ATMIN: variants seen among roughly 807,000 people sequenced by gnomAD.
ATMIN encodes ATM interactor.
Under a neutral mutation model 49.2 loss-of-function variants are expected in ATMIN, and 24 were observed. That is an observed-to-expected ratio of 0.49 (90% CI 0.35 to 0.69). The LOEUF (loss-of-function observed/expected upper bound fraction) is 0.69, where lower values mean the gene tolerates loss of function less well. Ranked by LOEUF, ATMIN falls within the 30% of genes least tolerant of loss-of-function variation. The probability of loss-of-function intolerance (pLI) is 0.00; values close to 1 mark genes in which losing one functional copy is unlikely to be tolerated. For missense variants in ATMIN, 1,037 were observed against 1,005.5 expected (o/e 1.03, Z -0.42); for synonymous variants, 450 against 392.5 (o/e 1.15, Z -1.73).
chr16:81,042,927 C>T (rs1282612309), intron 3 of ATMIN, among the ~76,000 whole-genome samples: 1 of 152,138 alleles, frequency 6.6e-6, no homozygotes, highest in African/African-American at 2.4e-5. Flanking sequence ...AGTTCTAGTA[C>T]TTAGAGCTTA....
Position 81,036,147 on chromosome 16 carries a change from A to C in ATMIN, c.277A>C (p.Lys93Gln), listed in dbSNP as rs1379227015. 1.7e-5 allele frequency: 25 copies of C among 1,470,802 alleles called. No homozygotes were observed. The highest frequency in any genetic ancestry group is 2.3e-5 in the Non-Finnish European group (25 of 1,104,448). The allele number at this position is 1,470,802 out of a possible 1,614,324, so 91.1% of individuals were successfully genotyped here. A position where few individuals can be genotyped will look rare whatever the true frequency, so the allele number is the denominator to read the frequency against. Residue 93 changes from lysine (K) to glutamine (Q), a missense_variant, in exon 1 of 4, where the codon AAG becomes CAG. Transcript: ENST00000299575. ...CCTGTGCACCGTGCGCGGCTGCGGCAAGATCCTGCCCAACAGCCCCGCGCT... is the reference window on the plus strand; with the variant it reads ...CCTGTGCACCGTGCGCGGCTGCGGCCAGATCCTGCCCAACAGCCCCGCGCT... ...NILCTVRGCGKILPNSPALNM... is the reference protein window; with the variant it reads ...NILCTVRGCGQILPNSPALNM...
intron 1 of ATMIN, among the ~76,000 whole-genome samples, chr16:81,038,217 G>C (rs1316163567): frequency 1.3e-5 from 2 of 151,906 alleles, no homozygotes; most frequent in Non-Finnish European, 2.9e-5. Flanking sequence ...TGCAACCTCT[G>C]CCTCCCAGGT....
At chr16:81,041,718 T>C in intron 2 of ATMIN, 1 of 392,336 alleles carries the variant, frequency 2.5e-6, no homozygotes, top group Non-Finnish European at 4.5e-6. Flanking sequence ...AGTAAACCAG[T>C]TCAGCAAAGA....
At chr16:81,038,038 T>A (rs1387988027) in intron 1 of ATMIN, among the ~76,000 whole-genome samples, 1 of 152,204 alleles carries the variant, frequency 6.6e-6, no homozygotes, top group Non-Finnish European at 1.5e-5. Flanking sequence ...TCTAGCTCTT[T>A]AAAGACCCTG....
At chr16:81,040,173 C>T (rs1971014962) in intron 1 of ATMIN, among the ~76,000 whole-genome samples, 1 of 152,156 alleles carries the variant, frequency 6.6e-6, no homozygotes, top group African/African-American at 2.4e-5. Context: ...GCATTTTATT[C>T]TTGAAAGTAT....
chr16:81,043,419 C>G lies in ATMIN; in HGVS notation c.921C>G (p.Pro307=). 6.2e-7 allele frequency: 1 copy of G among 1,613,752 alleles called. No individual in the cohort carries two copies. Among genetic ancestry groups the G allele is most frequent in the Non-Finnish European group, 8.5e-7 (1 of 1,179,994 alleles). ...CCAAAGTGGCTTTGGTTAAACTACC[C>G]GTGATGCAGTTTTCTGTCATGCCTG... ...PKPKVALVKL[P]VMQFSVMPVF... The change falls in exon 4 of 4, where the codon CCC becomes CCG. Residue 307 remains proline, a synonymous_variant. Coordinates refer to ENST00000299575, the MANE Select transcript of ATMIN (RefSeq NM_015251.3).
At chr16:81,039,380 T>A (rs1049709884) in intron 1 of ATMIN, among the ~76,000 whole-genome samples, 1 of 152,240 alleles carries the variant, frequency 6.6e-6, no homozygotes, top group African/African-American at 2.4e-5. Flanking sequence ...TTGGTTCTTA[T>A]TTTATTCTAA....
chr16:81,036,050 C>A lies in ATMIN; in HGVS notation c.180C>A (p.Val60=), dbSNP rs1215354140. ...CGGGGGCGACGCAGCAGCCCGCTGT[C>A]CCCGCGCCGCCGGCGGGGGAGCTGA... ...RPAGATQQPA[V]PAPPAGELIQ... is the part of the protein sequence containing the mutation. The change falls in exon 1 of 4, where the codon GTC becomes GTA. Residue 60 remains valine (V), a synonymous_variant. Coordinates refer to ENST00000299575, the MANE Select transcript of ATMIN (RefSeq NM_015251.3). 5.6e-6 allele frequency: 7 copies of A among 1,251,662 alleles called. No individual in the cohort carries two copies. Among genetic ancestry groups the A allele is most frequent in the African/African-American group, 3.1e-5 (2 of 64,530 alleles). 77.5% of individuals were successfully genotyped at this position (1,251,662 alleles called of 1,614,324 possible). A position where few individuals can be genotyped will look rare whatever the true frequency, so the allele number is the denominator to read the frequency against.
At chr16:81,039,534 G>A (rs1355223865) in intron 1 of ATMIN, among the ~76,000 whole-genome samples, 4 of 152,152 alleles carry the variant, frequency 2.6e-5, no homozygotes, top group African/African-American at 9.7e-5. Context: ...GGTGCCTAAG[G>A]TATATGGCCA....
chr16:81,040,235 G>A (rs1971015684), intron 1 of ATMIN, among the ~76,000 whole-genome samples: 1 of 151,850 alleles, frequency 6.6e-6, no homozygotes, highest in African/African-American at 2.4e-5. Context: ...CCATTTTATC[G>A]TGCCATTGCC....
chr16:81,036,295 A>C, intron 1 of ATMIN, 89 bp downstream of exon 1: 2 of 1,089,076 alleles, frequency 1.8e-6, no homozygotes, highest in Non-Finnish European at 2.2e-6. Context: ...CCTCGGGGGG[A>C]CGAGCGCCCT....
rs1971077501 is a variant in ATMIN, at chr16:81,043,914, A to G, written c.1416A>G (p.Ile472Met). Reference sequence around the variant, plus strand: ...CCAGCTCTAAGGTAACTTCATCTATAGCTGCTCAGACTGATGCATTTATGG... The same window carrying G: ...CCAGCTCTAAGGTAACTTCATCTATGGCTGCTCAGACTGATGCATTTATGG... The part of the protein sequence containing the change: ...FLPSSKVTSS[I>M]AAQTDAFMDT... The change falls in exon 4 of 4, where the codon ATA becomes ATG. Residue 472 changes from isoleucine to methionine, a missense_variant. By Grantham distance (10) the Ile-to-Met change is conservative (BLOSUM62 1). Coordinates refer to ENST00000299575, the MANE Select transcript of ATMIN (RefSeq NM_015251.3). The G allele has an allele frequency of 2.5e-6, 4 of 1,614,172 alleles. No individual in the cohort carries two copies. In the South Asian group the frequency reaches 3.3e-5, roughly 13 times the overall value.
At position 81,044,693 on chromosome 16, in the gene ATMIN, G is replaced by A. The variant is rs1235367947; in HGVS notation, c.2195G>A (p.Ser732Asn). 1.2e-6 allele frequency: 2 copies of A among 1,614,068 alleles called. No homozygotes were observed. Among genetic ancestry groups the A allele is most frequent in the Non-Finnish European group, 1.7e-6 (2 of 1,180,044 alleles). Reference sequence around the variant, plus strand: ...CTGAAACACTCCAGCTTTTCCGTGAGTACTGATTCATCTGACACAGAGACC... The same window carrying A: ...CTGAAACACTCCAGCTTTTCCGTGAATACTGATTCATCTGACACAGAGACC... ...SILKHSSFSV[S>N]TDSSDTETQT... The change falls in exon 4 of 4, where the codon AGT becomes AAT. Residue 732 changes from serine to asparagine, a missense_variant. Physicochemically the swap from Ser to Asn is conservative, Grantham distance 46 (BLOSUM62 1). Transcript: ENST00000299575.
chr16:81,040,781 C>T (rs1311445275), intron 1 of ATMIN: 1 of 154,508 alleles, frequency 6.5e-6, no homozygotes, highest in Non-Finnish European at 1.4e-5. Flanking sequence ...CGAAGCTATA[C>T]TTGAGAAAGG....
chr16:81,041,200 C>A, intron 1 of ATMIN, 156 bp from the exon 2 acceptor site: 1 of 755,350 alleles, frequency 1.3e-6, no homozygotes, highest in Non-Finnish European at 2.1e-6. Context: ...GTTTAATCTA[C>A]TCATACTCTT....
chr16:81,039,613 A>G (rs545630927), intron 1 of ATMIN, among the ~76,000 whole-genome samples: 28 of 152,358 alleles, frequency 1.8e-4, no homozygotes, highest in African/African-American at 6.5e-4. Context: ...TCATGGAGAA[A>G]TGAAAGCCAT....
Position 81,043,461 on chromosome 16 carries a change from C to G in ATMIN, c.963C>G (p.Ala321=), listed in dbSNP as rs148070606. The G allele has an allele frequency of 4.3e-6, 7 of 1,613,940 alleles. No homozygotes were observed. In the African/African-American group the frequency reaches 5.3e-5, roughly 12 times the overall value. Reference sequence around the variant, plus strand: ...TCATGCCTGTCTTTGTGCCTACAGCCGACTCCTCAGCCCAGCCTGTGGTGT... The same window carrying G: ...TCATGCCTGTCTTTGTGCCTACAGCGGACTCCTCAGCCCAGCCTGTGGTGT... ...FSVMPVFVPT[A]DSSAQPVVLG... is the part of the protein sequence containing the mutation. Residue 321 remains alanine, a synonymous_variant, in exon 4 of 4, where the codon GCC becomes GCG. Transcript: ENST00000299575.
intron 1 of ATMIN, chr16:81,037,477 T>TACAA (rs771989964): frequency 1.2e-5 from 12 of 985,340 alleles, no homozygotes; most frequent in Non-Finnish European, 1.4e-5. Flanking sequence ...GTACCTGAGG[T>TACAA]ATGCTGAGGA....
In ATMIN at chr16:81,043,528, A is replaced by G; in HGVS notation, c.1030A>G (p.Met344Val). The stretch of plus-strand genomic sequence containing the variant: ...CTCTGCCACAGGGGCTGTGCACTTA[A>G]TGCCCTTGTCAGTAGGAACCCTGAT... ...QGSATGAVHL[M>V]PLSVGTLILG... Residue 344 changes from methionine (M) to valine (V), a missense_variant, in exon 4 of 4, where the codon ATG becomes GTG. Coordinates refer to ENST00000299575, the MANE Select transcript of ATMIN (RefSeq NM_015251.3). 1 of 1,614,092 alleles carries G rather than the reference A, an allele frequency of 6.2e-7. No individual in the cohort carries two copies. The highest frequency in any genetic ancestry group is 8.5e-7 in the Non-Finnish European group (1 of 1,180,020).
Sources: allele counts gnomAD v4.1 joint callset (sites outside exome capture counted in the v4.1 genomes callset), GRCh38; gene constraint gnomAD v4.1.1; transcripts MANE v1.5; gene names NCBI Gene and HGNC (gene_info 2026-07-23, HGNC 2026-07-21).